Variants in DAB1 observed in about 807,000 individuals in gnomAD.
The protein encoded by DAB1 is DAB adaptor protein 1.
A neutral mutation model predicts 64.6 loss-of-function variants in DAB1; 15 were observed. The ratio of observed to expected loss-of-function variants is 0.23; its 90% confidence interval spans 0.16 to 0.36. The LOEUF (loss-of-function observed/expected upper bound fraction) is 0.36, where lower values mean the gene tolerates loss of function less well. DAB1 is among the 10% of genes least tolerant of loss of function. The pLI is 1.00. For missense variants in DAB1, 596 were observed against 706.7 expected (o/e 0.84, Z 1.78); for synonymous variants, 235 against 251.9 (o/e 0.93, Z 0.64).
chr1:58,020,777 C>T (rs1164006863), intron 5 of DAB1, among the ~76,000 whole-genome samples: 2 of 152,006 alleles, frequency 1.3e-5, no homozygotes, highest in African/African-American at 4.8e-5. Flanking sequence ...CCGAAGTGGG[C>T]GGATTACTTG....
chr1:58,185,875 T>C (rs1477677158), intron 4 of DAB1, among the ~76,000 whole-genome samples: 1 of 152,202 alleles, frequency 6.6e-6, no homozygotes, highest in Non-Finnish European at 1.5e-5. Context: ...AACCTCCGAT[T>C]GCTCATCTGT....
At chr1:58,545,354 CAT>C (rs1179639680) in intron 1 of DAB1, among the ~76,000 whole-genome samples, 1 of 152,192 alleles carries the variant, frequency 6.6e-6, no homozygotes, top group Non-Finnish European at 1.5e-5. Context: ...AAACCATTAT[CAT>C]TTCTATCACT....
chr1:58,006,769 C>T (rs1365587102), intron 5 of DAB1, among the ~76,000 whole-genome samples: 1 of 152,200 alleles, frequency 6.6e-6, no homozygotes, highest in African/African-American at 2.4e-5. Flanking sequence ...CTCGCAAGCA[C>T]CTCCTCTCTG....
intron 3 of DAB1, among the ~76,000 whole-genome samples, chr1:58,478,852 C>T (rs1331277778): frequency 6.6e-6 from 1 of 152,142 alleles, no homozygotes; most frequent in Non-Finnish European, 1.5e-5. Flanking sequence ...CCTATAGGCA[C>T]ATGAAAAGTA....
chr1:58,125,834 T>C (rs998065363), intron 5 of DAB1, among the ~76,000 whole-genome samples: 1 of 152,228 alleles, frequency 6.6e-6, no homozygotes, highest in Non-Finnish European at 1.5e-5. Context: ...TGGATAGGAA[T>C]ACCAGAAAGG....
intron 7 of DAB1, among the ~76,000 whole-genome samples, chr1:57,629,066 C>G (rs984184681): frequency 6.6e-6 from 1 of 152,036 alleles, no homozygotes; most frequent in Non-Finnish European, 1.5e-5. Flanking sequence ...AATTTTAAAC[C>G]TGTGATTAAA....
At chr1:58,049,297 C>A in intron 5 of DAB1, 1 of 687,330 alleles carries the variant, frequency 1.5e-6, no homozygotes. Context: ...GACAGGATGG[C>A]AGGGAGAAGA....
chr1:57,859,293 C>T (rs936096739), intron 1 of DAB1, among the ~76,000 whole-genome samples: 3 of 152,170 alleles, frequency 2.0e-5, no homozygotes, highest in Non-Finnish European at 2.9e-5. Context: ...TCAGACCAAA[C>T]ATTTGGAACC....
In DAB1 at chr1:57,014,878, C is replaced by T. The variant is rs891368288; in HGVS notation, c.1444+5G>A. 1 of 1,544,678 alleles carries T rather than the reference C, an allele frequency of 6.5e-7. No individual in the cohort carries two copies. Among genetic ancestry groups the T allele is most frequent in the Non-Finnish European group, 8.7e-7 (1 of 1,143,966 alleles). On this transcript the variant is annotated splice_donor_5th_base_variant and intron_variant, in intron 12 of 14. Coordinates refer to ENST00000371236, the MANE Select transcript of DAB1 (RefSeq NM_001365792.1). Reference sequence around the variant, plus strand: ...GGTTTTATGTCTTAAGTGAGGGGCACTCACGTGAGTTGGTCGATGGTGTGG... The same window carrying T: ...GGTTTTATGTCTTAAGTGAGGGGCATTCACGTGAGTTGGTCGATGGTGTGG...
At chr1:58,480,880 C>A in intron 3 of DAB1, 2 of 679,678 alleles carry the variant, frequency 2.9e-6, no homozygotes, top group South Asian at 2.1e-5. Context: ...TTTTTTTTCA[C>A]TTCAAACATC....
At chr1:57,292,703 A>G (rs1672872136) in intron 1 of DAB1, among the ~76,000 whole-genome samples, 1 of 152,134 alleles carries the variant, frequency 6.6e-6, no homozygotes, top group Non-Finnish European at 1.5e-5. Context: ...TACAAATACT[A>G]GCTCATTCAT....
intron 12 of DAB1, among the ~76,000 whole-genome samples, chr1:57,011,613 G>T (rs529149516): frequency 5.1e-4 from 78 of 152,282 alleles, no homozygotes; most frequent in African/African-American, 1.8e-3. Flanking sequence ...CTCTGTGTTT[G>T]AACAACCTGC....
intron 4 of DAB1, among the ~76,000 whole-genome samples, chr1:58,210,367 T>C (rs1300879742): frequency 6.6e-6 from 1 of 152,228 alleles, no homozygotes; most frequent in Non-Finnish European, 1.5e-5. Context: ...TAGGAGCACA[T>C]GCTCTGAATG....
intron 7 of DAB1, among the ~76,000 whole-genome samples, chr1:57,521,766 C>CA (rs1644529640): frequency 6.6e-6 from 1 of 152,150 alleles, no homozygotes; most frequent in Non-Finnish European, 1.5e-5. Flanking sequence ...AATGGGCTAA[C>CA]AGGGCAGAAG....
intron 2 of DAB1, among the ~76,000 whole-genome samples, chr1:57,199,700 G>A (rs1270566062): frequency 6.6e-5 from 10 of 152,160 alleles, no homozygotes; most frequent in South Asian, 4.1e-4. Flanking sequence ...GATGATGGGC[G>A]TTGAAGTCAG....
At chr1:57,826,781 T>C (rs1569793234) in intron 1 of DAB1, among the ~76,000 whole-genome samples, 1 of 152,194 alleles carries the variant, frequency 6.6e-6, no homozygotes, top group East Asian at 1.9e-4. Context: ...TTTGTCCTCC[T>C]GGAATAGGAA....
At chr1:57,819,994 T>C (rs1170183005) in intron 6 of DAB1, among the ~76,000 whole-genome samples, 5 of 152,224 alleles carry the variant, frequency 3.3e-5, no homozygotes, top group Non-Finnish European at 4.4e-5. Flanking sequence ...TATAGCACTT[T>C]AGGCTTCTTT....
chr1:57,401,355 A>T (rs1040377738), intron 1 of DAB1, among the ~76,000 whole-genome samples: 1 of 152,210 alleles, frequency 6.6e-6, no homozygotes, highest in African/African-American at 2.4e-5. Context: ...CTAAATATTT[A>T]TTAAGTGCAT....
At chr1:57,175,780 C>T (rs1432337540) in intron 2 of DAB1, among the ~76,000 whole-genome samples, 1 of 152,150 alleles carries the variant, frequency 6.6e-6, no homozygotes, top group African/African-American at 2.4e-5. Context: ...TTGGACAATG[C>T]AGAGCGTACC....
Sources: gnomAD v4.1 joint callset for allele counts (sites outside exome capture counted in the v4.1 genomes callset) on GRCh38, gnomAD v4.1.1 for gene constraint, MANE v1.5 for transcripts, NCBI Gene and HGNC (gene_info 2026-07-23, HGNC 2026-07-21) for gene names.